SHQ1: variants seen among roughly 807,000 people sequenced by gnomAD.
SHQ1 encodes the protein SHQ1, H/ACA ribonucleoprotein assembly factor, also known as protein SHQ1 homolog.
SHQ1 carries 49 observed loss-of-function variants against 53.8 expected under a neutral mutation model. That is an observed-to-expected ratio of 0.91 (90% CI 0.72 to 1.16). SHQ1 has a LOEUF of 1.16. Ranked by LOEUF, SHQ1 falls within the 50% of genes most tolerant of loss-of-function variation. The probability of loss-of-function intolerance (pLI) is 0.00; values close to 1 mark genes in which losing one functional copy is unlikely to be tolerated. For missense variants in SHQ1, 738 were observed against 683.1 expected (o/e 1.08, Z -0.90); for synonymous variants, 243 against 251.0 (o/e 0.97, Z 0.30).
chr3:72,836,211 C>A (rs1400075017), intron 4 of SHQ1, among the ~76,000 whole-genome samples: 1 of 152,200 alleles, frequency 6.6e-6, no homozygotes, highest in Non-Finnish European at 1.5e-5. Context: ...AGCTCTTGGA[C>A]AGGCATTGTG....
At chr3:72,798,587 C>T (rs1411747863) in intron 9 of SHQ1, among the ~76,000 whole-genome samples, 1 of 152,204 alleles carries the variant, frequency 6.6e-6, no homozygotes, top group African/African-American at 2.4e-5. Context: ...AATGTGATTT[C>T]CTGTCTGGAC....
chr3:72,847,108 T>C (rs1353789768), intron 1 of SHQ1, among the ~76,000 whole-genome samples: 1 of 152,226 alleles, frequency 6.6e-6, no homozygotes, highest in Non-Finnish European at 1.5e-5. Flanking sequence ...CAGGACTTTG[T>C]CTTGTTCAGC....
downstream of SHQ1, among the ~76,000 whole-genome samples, chr3:72,748,947 CCT>C (rs1357980127): frequency 1.4e-5 from 2 of 147,626 alleles, no homozygotes; most frequent in Non-Finnish European, 3.0e-5. Flanking sequence ...AGCGTAAGAC[CCT>C]GTCTCAAACA....
intron 9 of SHQ1, among the ~76,000 whole-genome samples, chr3:72,796,776 C>T (rs1346298980): frequency 1.3e-5 from 2 of 151,922 alleles, no homozygotes; most frequent in African/African-American, 2.4e-5. Context: ...GCAGAGATCA[C>T]ACCACTGCAC....
intron 10 of SHQ1, among the ~76,000 whole-genome samples, chr3:72,768,442 C>A (rs894887355): frequency 6.6e-6 from 1 of 152,168 alleles, no homozygotes; most frequent in Non-Finnish European, 1.5e-5. Context: ...CTGCCATCAG[C>A]ATCTAGGAAG....
the SHQ1 span, among the ~76,000 whole-genome samples, chr3:72,734,852 T>C: frequency 4.6e-3 from 703 of 151,712 alleles, 23 homozygotes; most frequent in African/African-American, 0.016. Context: ...ACGACACAAG[T>C]AAGAGGAATT....
At chr3:72,837,955 TTGATTTC>T (rs1708051497) in intron 4 of SHQ1, among the ~76,000 whole-genome samples, 1 of 130,548 alleles carries the variant, frequency 7.7e-6, no homozygotes, top group East Asian at 1.9e-4. Flanking sequence ...GGGCTTACAC[TTGATTTC>T]TAAGTCTGGT....
intron 10 of SHQ1, among the ~76,000 whole-genome samples, chr3:72,762,067 ATG>A (rs1705622107): frequency 6.6e-6 from 1 of 152,182 alleles, no homozygotes; most frequent in East Asian, 1.9e-4. Flanking sequence ...ACATACATAC[ATG>A]TGCCCACAAA....
chr3:72,798,624 C>T (rs140082013), intron 9 of SHQ1, among the ~76,000 whole-genome samples: 53 of 152,316 alleles, frequency 3.5e-4, no homozygotes, highest in African/African-American at 1.1e-3. Flanking sequence ...GTTAATACAT[C>T]TTAATACAAA....
At chr3:72,846,433 C>CTG (rs1460382456) in intron 1 of SHQ1, 1 of 818,198 alleles carries the variant, frequency 1.2e-6, no homozygotes, top group Non-Finnish European at 1.9e-6. Flanking sequence ...GTAGCTAGGA[C>CTG]TACAAGCGCG....
chr3:72,811,540 T>C (rs1051173300), intron 9 of SHQ1, among the ~76,000 whole-genome samples: 75 of 152,200 alleles, frequency 4.9e-4, no homozygotes, highest in African/African-American at 1.8e-3. Flanking sequence ...TAATCAACAA[T>C]CCTTCAAAAT....
chr3:72,841,253 G>A, intron 3 of SHQ1, 54 bp from the exon 4 acceptor site: 1 of 1,425,876 alleles, frequency 7.0e-7, no homozygotes, highest in Non-Finnish European at 9.5e-7. Context: ...GTACAACTAG[G>A]GGAAGAAAAA....
intron 10 of SHQ1, among the ~76,000 whole-genome samples, chr3:72,761,130 A>G (rs1219837960): frequency 6.6e-6 from 1 of 152,114 alleles, no homozygotes; most frequent in Non-Finnish European, 1.5e-5. Flanking sequence ...AGATCCCAAG[A>G]AGGTGGGGGA....
chr3:72,760,903 T>C (rs748182992), intron 10 of SHQ1, among the ~76,000 whole-genome samples: 2 of 152,164 alleles, frequency 1.3e-5, no homozygotes, highest in Non-Finnish European at 2.9e-5. Flanking sequence ...ACAAAATATA[T>C]CAAGGTTTTA....
intron 6 of SHQ1, among the ~76,000 whole-genome samples, chr3:72,817,752 G>A (rs948188022): frequency 1.3e-5 from 2 of 151,950 alleles, no homozygotes; most frequent in Non-Finnish European, 2.9e-5. Flanking sequence ...GAAAATATTC[G>A]TTATCCATTT....
intron 10 of SHQ1, among the ~76,000 whole-genome samples, chr3:72,774,116 T>C (rs953715327): frequency 9.2e-5 from 14 of 152,222 alleles, no homozygotes; most frequent in African/African-American, 2.9e-4. Flanking sequence ...TTATTAGTGA[T>C]ACATTTTAAC....
chr3:72,777,342 A>G (rs188536949), intron 10 of SHQ1, among the ~76,000 whole-genome samples: 1 of 152,342 alleles, frequency 6.6e-6, no homozygotes, highest in East Asian at 1.9e-4. Context: ...AAGGAATCCT[A>G]TAAATCAAAA....
intron 10 of SHQ1, among the ~76,000 whole-genome samples, chr3:72,786,340 G>A (rs1035738119): frequency 7.9e-5 from 12 of 152,106 alleles, no homozygotes; most frequent in Non-Finnish European, 1.3e-4. Context: ...GCAGTTCATC[G>A]CTTAAAACTC....
chr3:72,727,528 C>A, the SHQ1 span, among the ~76,000 whole-genome samples: 1 of 152,188 alleles, frequency 6.6e-6, no homozygotes, highest in Non-Finnish European at 1.5e-5. Flanking sequence ...CACATCAGAG[C>A]TAGGAACAGA....
Sources: allele counts gnomAD v4.1 joint callset (sites outside exome capture counted in the v4.1 genomes callset), GRCh38; gene constraint gnomAD v4.1.1; transcripts MANE v1.5; gene names NCBI Gene and HGNC (gene_info 2026-07-23, HGNC 2026-07-21).